Variants in MRPS6 observed in about 807,000 individuals in gnomAD.
MRPS6 encodes the protein mitochondrial ribosomal protein S6, also known as small ribosomal subunit protein bS6m.
A neutral mutation model predicts 13.1 loss-of-function variants in MRPS6; 6 were observed. The observed-to-expected ratio is 0.46, with a 90% CI of 0.25 to 0.91. The LOEUF is 0.91. MRPS6 is among the 40% of genes least tolerant of loss of function. The pLI, the probability that MRPS6 is intolerant of heterozygous loss-of-function variation, is 0.18. For synonymous variants in MRPS6, 61 were observed against 56.5 expected (o/e 1.08, Z -0.36); for missense variants, 164 against 155.6 (o/e 1.05, Z -0.29).
At chr21:34,103,714 C>G in intron 1 of MRPS6, 1 of 999,998 alleles carries the variant, frequency 1.0e-6, no homozygotes. Flanking sequence ...TATTGATAAG[C>G]CCAAGACAAT....
intron 1 of MRPS6, among the ~76,000 whole-genome samples, chr21:34,076,202 G>GT (rs537381091): frequency 9.5e-4 from 144 of 152,254 alleles, no homozygotes; most frequent in Non-Finnish European, 1.6e-3. Flanking sequence ...CTGCTCTCCT[G>GT]TTTTTTCTCC....
At chr21:34,126,937 CCT>C (rs998492974) in intron 2 of MRPS6, among the ~76,000 whole-genome samples, 1 of 152,108 alleles carries the variant, frequency 6.6e-6, no homozygotes, top group Non-Finnish European at 1.5e-5. Flanking sequence ...CATTTTCAGA[CCT>C]CTGTGTGCAG....
At chr21:34,130,653 T>G (rs1980471838) in intron 2 of MRPS6, among the ~76,000 whole-genome samples, 1 of 152,292 alleles carries the variant, frequency 6.6e-6, no homozygotes, top group Non-Finnish European at 1.5e-5. Context: ...ACCTGGAAGA[T>G]CACGTGGGCA....
chr21:34,102,476 T>C (rs1602938009), intron 1 of MRPS6: 1 of 1,000,190 alleles, frequency 1.0e-6, no homozygotes, highest in East Asian at 1.1e-4. Context: ...ACCCTAACCA[T>C]TGGCATATAT....
chr21:34,132,210 C>T (rs2123265681), intron 2 of MRPS6, among the ~76,000 whole-genome samples: 1 of 152,152 alleles, frequency 6.6e-6, no homozygotes, highest in East Asian at 1.9e-4. Flanking sequence ...GTAAGAGGTT[C>T]AACTTCGGAG....
chr21:34,139,257 A>G (rs148199853), intron 2 of MRPS6, among the ~76,000 whole-genome samples: 4,785 of 151,390 alleles, frequency 0.032, 211 homozygotes, highest in African/African-American at 0.094. Flanking sequence ...TAATGGGTAC[A>G]GCACACCAGC....
chr21:34,122,723 T>A (rs912563342), intron 1 of MRPS6: 1 of 152,150 alleles, frequency 6.6e-6, no homozygotes, highest in East Asian at 1.9e-4. Context: ...TTTCCTTTTT[T>A]TTTTTGAGTG....
chr21:34,101,741 A>G, intron 1 of MRPS6: 1 of 992,340 alleles, frequency 1.0e-6, no homozygotes, highest in Non-Finnish European at 1.2e-6. Flanking sequence ...GACTCATTAA[A>G]TATAATTATG....
At chr21:34,135,531 G>T in intron 2 of MRPS6, 1 of 501,890 alleles carries the variant, frequency 2.0e-6, no homozygotes, top group Admixed American at 2.1e-5. Context: ...CATCTGCCAG[G>T]CACTCAGCAA....
rs1180916702 is a variant in MRPS6 at position 34,095,496 on chromosome 21, A to G, written c.45+21751A>G. ...ACTTCTGGGATGGGTTTTCATCCCA[A>G]TTTACATCCGGTCAGGGGTATATAC... On this transcript the variant is annotated intron_variant, in intron 1 of 2. Transcript: ENST00000399312. The G allele has an allele frequency of 8.7e-6, 14 of 1,613,862 alleles. No homozygotes were observed. The highest frequency in any genetic ancestry group is 1.1e-5 in the Non-Finnish European group (13 of 1,179,996).
intron 2 of MRPS6, among the ~76,000 whole-genome samples, chr21:34,141,058 A>G (rs1425664055): frequency 6.6e-6 from 1 of 152,144 alleles, no homozygotes; most frequent in Admixed American, 6.5e-5. Context: ...TTTTCTCATA[A>G]GTTCCTTCCT....
At chr21:34,097,674 G>A (rs1293619310) in intron 1 of MRPS6, 1 of 1,051,432 alleles carries the variant, frequency 9.5e-7, no homozygotes, top group African/African-American at 1.7e-5. Flanking sequence ...CATGAATTAA[G>A]GTATACTGTC....
intron 1 of MRPS6, among the ~76,000 whole-genome samples, chr21:34,082,162 A>T (rs1989474084): frequency 6.6e-6 from 1 of 152,070 alleles, no homozygotes; most frequent in Admixed American, 6.5e-5. Context: ...CTAGATATTC[A>T]GATAATTAGC....
At chr21:34,112,294 A>C (rs972102211) in intron 1 of MRPS6, among the ~76,000 whole-genome samples, 6 of 152,332 alleles carry the variant, frequency 3.9e-5, no homozygotes, top group African/African-American at 1.4e-4. Flanking sequence ...ATGAGTAAGA[A>C]GCAATTTGAA....
At chr21:34,100,765 C>G (rs16991209) in intron 1 of MRPS6, 1 of 1,000,044 alleles carries the variant, frequency 1.0e-6, no homozygotes, top group African/African-American at 1.7e-5. Flanking sequence ...GTCCATGGCT[C>G]ATTTTCTTTA....
intron 1 of MRPS6, chr21:34,105,113 C>T (rs1979417820): frequency 1.0e-6 from 1 of 1,000,002 alleles, no homozygotes; most frequent in Non-Finnish European, 1.2e-6. Context: ...TGCCATACTC[C>T]ATTAGTGTCA....
At chr21:34,117,425 T>C (rs1229179461) in intron 1 of MRPS6, among the ~76,000 whole-genome samples, 1 of 152,194 alleles carries the variant, frequency 6.6e-6, no homozygotes, top group Non-Finnish European at 1.5e-5. Flanking sequence ...ATTCCTTCTT[T>C]TGAGTTCTTG....
intron 2 of MRPS6, chr21:34,135,489 G>A (rs1168528929): frequency 5.9e-6 from 3 of 505,590 alleles, no homozygotes; most frequent in African/African-American, 2.0e-5. Context: ...TGGCAAAGGA[G>A]TTGGAGGAGC....
intron 1 of MRPS6, chr21:34,104,994 A>G (rs1292407782): frequency 1.5e-5 from 15 of 999,896 alleles, no homozygotes; most frequent in African/African-American, 1.7e-5. Flanking sequence ...AGAGTTTTCT[A>G]ATTTCACTGT....
Sources: gnomAD v4.1 joint callset for allele counts (sites outside exome capture counted in the v4.1 genomes callset) on GRCh38, gnomAD v4.1.1 for gene constraint, MANE v1.5 for transcripts, NCBI Gene and HGNC (gene_info 2026-07-23, HGNC 2026-07-21) for gene names.